Variants in ZNRF2 observed in about 807,000 individuals in gnomAD.
ZNRF2 encodes zinc and ring finger 2.
In ZNRF2, 16 loss-of-function variants were observed where a neutral mutation model predicts 20.4. That is an observed-to-expected ratio of 0.79 (90% CI 0.53 to 1.19). The LOEUF is 1.19. Ranked by LOEUF, ZNRF2 falls within the 50% of genes most tolerant of loss-of-function variation. The probability of loss-of-function intolerance (pLI) is 0.00; values close to 1 mark genes in which losing one functional copy is unlikely to be tolerated. For missense variants in ZNRF2, 363 were observed against 332.4 expected, an observed-to-expected ratio of 1.09 and a Z score of -0.72; for synonymous variants, 178 against 144.9, an observed-to-expected ratio of 1.23 and a Z score of -1.64.
At position 30,297,410 on chromosome 7, in the gene ZNRF2, T is replaced by C. The variant is rs2128056779; in HGVS notation, c.469+11584T>C. On this transcript the variant is annotated intron_variant, in intron 1 of 4. Transcript: ENST00000323037. ...CTCCATTGTTTTTAGCCGATACAAT[T>C]TCATAGTTCCTACTGAGAAAGAATA... Among the ~76,000 whole-genome samples the C allele has an allele frequency of 4.6e-5, 7 of 152,324 alleles. No homozygotes were observed. In the South Asian group the frequency reaches 8.3e-4, roughly 18 times the overall value.
intron 2 of ZNRF2, among the ~76,000 whole-genome samples, chr7:30,327,028 A>G (rs569170119): frequency 6.6e-6 from 1 of 152,234 alleles, no homozygotes; most frequent in Non-Finnish European, 1.5e-5. Flanking sequence ...TATGCTGGAT[A>G]TTAAACCTTT....
intron 2 of ZNRF2, among the ~76,000 whole-genome samples, chr7:30,330,892 G>A (rs1394599623): frequency 6.6e-6 from 1 of 152,072 alleles, no homozygotes; most frequent in Non-Finnish European, 1.5e-5. Flanking sequence ...CTGATTTGAC[G>A]TCTCTGTTCA....
chr7:30,324,463 C>T lies in ZNRF2; in HGVS notation c.565+726C>T, dbSNP rs557143451. On this transcript the variant is annotated intron_variant, in intron 2 of 4. Transcript: ENST00000323037. ...ACTCGGGAGGCTGAGGCAGGAGAAT[C>T]GCTTGAACCCAGGAGGCGAAAGTTG... Among the ~76,000 whole-genome samples, 4 of 151,172 alleles carry T rather than the reference C, an allele frequency of 2.6e-5. No homozygotes were observed. The East Asian group carries it at 5.9e-4, about 22-fold the overall frequency.
At chr7:30,325,668 G>T (rs536365264) in intron 2 of ZNRF2, among the ~76,000 whole-genome samples, 2 of 152,192 alleles carry the variant, frequency 1.3e-5, no homozygotes, top group Admixed American at 1.3e-4. Flanking sequence ...TTCTAGTATG[G>T]TGGTGCTTCA....
At chr7:30,343,485 A>G (rs1301387151) in intron 2 of ZNRF2, among the ~76,000 whole-genome samples, 1 of 152,056 alleles carries the variant, frequency 6.6e-6, no homozygotes, top group Non-Finnish European at 1.5e-5. Flanking sequence ...GTTTTTCTCT[A>G]TATTGCATAT....
intron 4 of ZNRF2, among the ~76,000 whole-genome samples, chr7:30,364,276 A>G (rs1234207851): frequency 3.9e-5 from 6 of 152,194 alleles, no homozygotes; most frequent in Non-Finnish European, 8.8e-5. Flanking sequence ...TGTGCATGTG[A>G]AATGTGGAAG....
At position 30,286,101 on chromosome 7, in the gene ZNRF2, A is replaced by T. The variant is rs146773083; in HGVS notation, c.469+275A>T. Among the ~76,000 whole-genome samples the T allele has an allele frequency of 8.3e-3, 1,270 of 152,304 alleles. 12 individuals are homozygous for T. Among genetic ancestry groups the T allele is most frequent in the African/African-American group, 0.029 (1,195 of 41,564 alleles). The stretch of plus-strand genomic sequence containing the variant: ...TAGAGAAAGTCTATTTTCCAGTGAG[A>T]TGACTGGAGCAAATGTTGTTTTACA... On this transcript the variant is annotated intron_variant, in intron 1 of 4. Transcript: ENST00000323037.
chr7:30,333,885 C>T lies in ZNRF2; in HGVS notation c.565+10148C>T, dbSNP rs919794929. Among the ~76,000 whole-genome samples, 4 of 152,136 alleles carry T rather than the reference C, an allele frequency of 2.6e-5. No individual in the cohort carries two copies. The South Asian group carries it at 6.2e-4, about 24-fold the overall frequency. On this transcript the variant is annotated intron_variant, in intron 2 of 4. Transcript: ENST00000323037. ...TGTTGATTCAAGTTCCTTATAGATT[C>T]AGGATATTAGTCCTTTGTCGATGCA...
At chr7:30,295,678 C>G (rs1418345595) in intron 1 of ZNRF2, among the ~76,000 whole-genome samples, 1 of 152,168 alleles carries the variant, frequency 6.6e-6, no homozygotes, top group African/African-American at 2.4e-5. Flanking sequence ...CCACTGCACT[C>G]CAGCCTGGGT....
intron 1 of ZNRF2, among the ~76,000 whole-genome samples, chr7:30,317,319 A>G (rs1025286645): frequency 2.0e-5 from 3 of 152,258 alleles, no homozygotes; most frequent in African/African-American, 2.4e-5. Flanking sequence ...TAAGATCTAC[A>G]CAGAAGTAGT....
At chr7:30,335,113 G>A (rs998942081) in intron 2 of ZNRF2, among the ~76,000 whole-genome samples, 41 of 152,112 alleles carry the variant, frequency 2.7e-4, no homozygotes, top group African/African-American at 9.2e-4. Context: ...TTCTATTTCT[G>A]ATTTCATTAA....
At chr7:30,289,939 CT>C in intron 1 of ZNRF2, 1 of 528,750 alleles carries the variant, frequency 1.9e-6, no homozygotes, top group Middle Eastern at 3.2e-4. Context: ...TAACTAAGTT[CT>C]TCTGATTACC....
chr7:30,323,844 T>G, intron 2 of ZNRF2, 107 bp downstream of exon 2: 1 of 727,210 alleles, frequency 1.4e-6, no homozygotes, highest in Non-Finnish European at 2.1e-6. Context: ...TTGTTTTCTC[T>G]ATTTTTACTA....
intron 1 of ZNRF2, among the ~76,000 whole-genome samples, chr7:30,319,111 C>CAA (rs35424608): frequency 1.9e-4 from 23 of 121,804 alleles, no homozygotes; most frequent in East Asian, 4.7e-4. Flanking sequence ...AACTCCGTCT[C>CAA]AAAAAAAAAA....
rs1799860377 is a variant in ZNRF2 at position 30,345,334 on chromosome 7, T to TC, written c.566-10390dup. Among the ~76,000 whole-genome samples the TC allele has an allele frequency of 5.3e-5, 8 of 152,194 alleles. No homozygotes were observed. The South Asian group carries it at 1.7e-3, about 32-fold the overall frequency. ...CTTCATTTTTGTAATAGCTTTTTTTTCCCCTTCCCTTCAGGTTTCATCCTC... is the reference window on the plus strand; with the variant it reads ...CTTCATTTTTGTAATAGCTTTTTTTTCCCCCTTCCCTTCAGGTTTCATCCTC... On this transcript the variant is annotated intron_variant, in intron 2 of 4. Coordinates refer to ENST00000323037, the MANE Select transcript of ZNRF2 (RefSeq NM_147128.4).
chr7:30,313,495 G>A (rs1710556671), intron 1 of ZNRF2, among the ~76,000 whole-genome samples: 1 of 152,040 alleles, frequency 6.6e-6, no homozygotes, highest in South Asian at 2.1e-4. Flanking sequence ...CAGAGCAAAT[G>A]CCATTACTCC....
intron 1 of ZNRF2, among the ~76,000 whole-genome samples, chr7:30,295,552 A>G (rs561584365): frequency 6.6e-6 from 1 of 152,208 alleles, no homozygotes; most frequent in Non-Finnish European, 1.5e-5. Context: ...TCTACCAAAA[A>G]TACAAAAATT....
At chr7:30,322,551 T>C (rs1163502216) in intron 1 of ZNRF2, among the ~76,000 whole-genome samples, 2 of 152,220 alleles carry the variant, frequency 1.3e-5, no homozygotes, top group Non-Finnish European at 2.9e-5. Flanking sequence ...TAAGTTCAGC[T>C]TACACCTGAG....
intron 1 of ZNRF2, among the ~76,000 whole-genome samples, chr7:30,290,405 G>A (rs1798879692): frequency 6.6e-6 from 1 of 152,244 alleles, no homozygotes; most frequent in South Asian, 2.1e-4. Flanking sequence ...TAAGACTGCA[G>A]TCAAAGTGTA....
Sources: gnomAD v4.1 joint callset for allele counts (sites outside exome capture counted in the v4.1 genomes callset) on GRCh38, gnomAD v4.1.1 for gene constraint, MANE v1.5 for transcripts, NCBI Gene and HGNC (gene_info 2026-07-23, HGNC 2026-07-21) for gene names.